ASXL1: variants seen among roughly 807,000 people sequenced by gnomAD.
ASXL1 encodes polycomb group protein ASXL1.
A neutral mutation model predicts 89.1 loss-of-function variants in ASXL1; 65 were observed. The ratio of observed to expected loss-of-function variants is 0.73; its 90% CI spans 0.60 to 0.90. The LOEUF (loss-of-function observed/expected upper bound fraction) is 0.90, where lower values mean the gene tolerates loss of function less well. ASXL1 is among the 40% of genes least tolerant of loss of function. The pLI is 0.00. For missense variants in ASXL1, 1,786 were observed against 1,942.9 expected (o/e 0.92, Z 1.52); for synonymous variants, 739 against 746.9 (o/e 0.99, Z 0.17).
At chr20:32,374,274 A>C (rs564145534) in intron 4 of ASXL1, among the ~76,000 whole-genome samples, 1 of 152,198 alleles carries the variant, frequency 6.6e-6, no homozygotes, top group African/African-American at 2.4e-5. Context: ...GATTATAGGC[A>C]TGAGCCACTG....
Position 32,429,305 on chromosome 20 carries a change from T to G in ASXL1, c.472-33T>G, listed in dbSNP as rs769401947. 2.5e-6 allele frequency: 4 copies of G among 1,605,654 alleles called. No individual in the cohort carries two copies. The African/African-American group carries it at 4.0e-5, about 16-fold the overall frequency. On this transcript the variant is annotated intron_variant, in intron 6 of 12. Transcript: ENST00000375687. The surrounding 1 kb of genome is among the most constrained non-coding windows in gnomAD (Gnocchi z 4.9). Reference sequence around the variant, plus strand: ...ATGCTTTTGTGGCTCTGCAGTTGACTTGGGCTCTCTTTTGTTCTCTCTTGG... The same window carrying G: ...ATGCTTTTGTGGCTCTGCAGTTGACGTGGGCTCTCTTTTGTTCTCTCTTGG...
chr20:32,431,112 A>T (rs1481784936), intron 8 of ASXL1: 14 of 708,300 alleles, frequency 2.0e-5, no homozygotes, highest in African/African-American at 1.0e-4. Flanking sequence ...TTGTCTGAGG[A>T]GATGCAACCC....
intron 4 of ASXL1, among the ~76,000 whole-genome samples, chr20:32,387,730 C>T (rs1007767787): frequency 6.6e-6 from 1 of 152,170 alleles, no homozygotes; most frequent in South Asian, 2.1e-4. Context: ...CTTTGCTTCT[C>T]CATTTGTTTC....
chr20:32,372,251 A>C, intron 4 of ASXL1: 1 of 1,309,838 alleles, frequency 7.6e-7, no homozygotes. Context: ...TAAGCTTGGG[A>C]GTGGTCTGTT....
chr20:32,377,156 T>C (rs984773634), intron 4 of ASXL1, among the ~76,000 whole-genome samples: 14 of 143,588 alleles, frequency 9.8e-5, no homozygotes, highest in African/African-American at 3.6e-4. Context: ...TATACAGATA[T>C]CTATAAATAT....
At chr20:32,422,580 ATTTTTTTTTTTT>A (rs11167168) in intron 4 of ASXL1, among the ~76,000 whole-genome samples, 1 of 108,048 alleles carries the variant, frequency 9.3e-6, no homozygotes, top group African/African-American at 3.8e-5. Context: ...GGATTGGTTA[ATTTTTTTTTTTT>A]TTTTTTTTTT....
chr20:32,419,484 G>A (rs2049200818), intron 4 of ASXL1, among the ~76,000 whole-genome samples: 1 of 152,056 alleles, frequency 6.6e-6, no homozygotes. Flanking sequence ...GATTACAAGT[G>A]TAGCCAACAT....
Position 32,429,000 on chromosome 20 carries a change from G to C in ASXL1, c.472-338G>C, listed in dbSNP as rs560697514. ...CTTGTAATATACACGTGAACATTCAGGGAGAAGTGTGGTTAGTGCAGAGTA... is the reference window on the plus strand; with the variant it reads ...CTTGTAATATACACGTGAACATTCACGGAGAAGTGTGGTTAGTGCAGAGTA... On this transcript the variant is annotated intron_variant, in intron 6 of 12. Transcript: ENST00000375687. The C allele has an allele frequency of 4.3e-5, 16 of 372,598 alleles. No individual in the cohort carries two copies. In the East Asian group the frequency reaches 9.7e-4, roughly 23 times the overall value. 23.1% of individuals were successfully genotyped at this position (372,598 alleles called of 1,614,324 possible).
intron 4 of ASXL1, among the ~76,000 whole-genome samples, chr20:32,375,376 G>A (rs1600485705): frequency 1.3e-5 from 2 of 151,724 alleles, no homozygotes; most frequent in East Asian, 3.9e-4. Context: ...TTGAACCCAG[G>A]AGGCAGAGGC....
chr20:32,379,773 C>G (rs1355316450), intron 4 of ASXL1, among the ~76,000 whole-genome samples: 1 of 151,460 alleles, frequency 6.6e-6, no homozygotes, highest in Admixed American at 6.6e-5. Context: ...TTGCAGTGAG[C>G]TGAGATCGTG....
chr20:32,387,870 C>G (rs2048606186), intron 4 of ASXL1, among the ~76,000 whole-genome samples: 1 of 152,182 alleles, frequency 6.6e-6, no homozygotes, highest in African/African-American at 2.4e-5. Flanking sequence ...TTAACATGTG[C>G]AAAACCAACC....
chr20:32,431,961 G>A (rs1267957086), intron 10 of ASXL1, among the ~76,000 whole-genome samples: 1 of 152,116 alleles, frequency 6.6e-6, no homozygotes, highest in Non-Finnish European at 1.5e-5. Flanking sequence ...AGTAATCATG[G>A]CATGGTCTGG....
At chr20:32,383,452 G>A (rs1044621635) in intron 4 of ASXL1, among the ~76,000 whole-genome samples, 1 of 151,870 alleles carries the variant, frequency 6.6e-6, no homozygotes, top group Non-Finnish European at 1.5e-5. Context: ...GACTATAGGC[G>A]CCCGCCACCA....
Position 32,434,706 on chromosome 20 carries a change from G to C in ASXL1, c.1994G>C (p.Ser665Thr), listed in dbSNP as rs963788591. ...TDEGGGRGSS[S>T]GDGGEACGHP... Reference sequence around the variant, plus strand: ...GAGGGAGGTGGCAGAGGCAGCAGCAGTGGTGATGGTGGTGAGGCCTGTGGC... The same window carrying C: ...GAGGGAGGTGGCAGAGGCAGCAGCACTGGTGATGGTGGTGAGGCCTGTGGC... The change falls in exon 13 of 13, where the codon AGT becomes ACT. Residue 665 changes from serine (S) to threonine (T), a missense_variant. Coordinates refer to ENST00000375687, the MANE Select transcript of ASXL1 (RefSeq NM_015338.6). 1.1e-5 allele frequency: 18 copies of C among 1,608,676 alleles called. No homozygotes were observed. The highest frequency in any genetic ancestry group is 1.5e-5 in the Non-Finnish European group (18 of 1,178,020).
Position 32,429,521 on chromosome 20 carries a change from A to C in ASXL1, c.565+90A>C. The C allele has an allele frequency of 7.5e-7, 1 of 1,334,144 alleles. No homozygotes were observed. Among genetic ancestry groups the C allele is most frequent in the Non-Finnish European group, 1.1e-6 (1 of 930,540 alleles). The allele number at this position is 1,334,144 out of a possible 1,614,324, so 82.6% of individuals were successfully genotyped here. On this transcript the variant is annotated intron_variant, in intron 7 of 12. Coordinates refer to ENST00000375687, the MANE Select transcript of ASXL1 (RefSeq NM_015338.6). The surrounding 1 kb of genome is among the most constrained non-coding windows in gnomAD (Gnocchi z 4.9). ...CAGCAGTTTCTGACCTAATAGTGCGATACTAGGAGAGCTGTCGGGCCACAG... is the reference window on the plus strand; with the variant it reads ...CAGCAGTTTCTGACCTAATAGTGCGCTACTAGGAGAGCTGTCGGGCCACAG...
chr20:32,402,393 A>G (rs544099685), intron 4 of ASXL1, among the ~76,000 whole-genome samples: 9 of 152,370 alleles, frequency 5.9e-5, no homozygotes, highest in Admixed American at 5.2e-4. Flanking sequence ...GTTTGGGGCT[A>G]TTACAAATAA....
At chr20:32,407,536 C>CA (rs375754429) in intron 4 of ASXL1, among the ~76,000 whole-genome samples, 107 of 152,288 alleles carry the variant, frequency 7.0e-4, no homozygotes, top group African/African-American at 2.5e-3. Context: ...AGTCACAACT[C>CA]ACCGCAGCCT....
Position 32,417,901 on chromosome 20 carries a change from G to A in ASXL1, c.253-10227G>A, listed in dbSNP as rs73105780. Among the ~76,000 whole-genome samples the A allele has an allele frequency of 5.3e-3, 813 of 152,084 alleles. 4 individuals are homozygous for A. Among genetic ancestry groups the A allele is most frequent in the Non-Finnish European group, 9.0e-3 (611 of 67,994 alleles). ...TCTACAAAAAATAAAAAAGTTGGCC[G>A]GGCGCGGTGACTCATGTCAGTAATC... On this transcript the variant is annotated intron_variant, in intron 4 of 12. Transcript: ENST00000375687.
At chr20:32,370,124 A>G (rs1244810400) in intron 4 of ASXL1, among the ~76,000 whole-genome samples, 1 of 152,210 alleles carries the variant, frequency 6.6e-6, no homozygotes, top group Admixed American at 6.5e-5. Flanking sequence ...AAATGTGAAC[A>G]TATTTGTGGA....
Sources: gnomAD v4.1 joint callset for allele counts (sites outside exome capture counted in the v4.1 genomes callset) on GRCh38, gnomAD v4.1.1 for gene constraint, Gnocchi (gnomAD v3.1) non-coding constraint, MANE v1.5 for transcripts, NCBI Gene and HGNC (gene_info 2026-07-23, HGNC 2026-07-21) for gene names.